The following STPG2 variants were observed in gnomAD, a reference collection of about 807,000 sequenced individuals.
The protein encoded by STPG2 is sperm-tail PG-rich repeat-containing protein 2.
Under a neutral mutation model 54.2 loss-of-function variants are expected in STPG2, and 56 were observed. That is an observed-to-expected ratio of 1.03 (90% CI 0.83 to 1.29). The LOEUF is 1.29. Among genes scored for constraint, STPG2 ranks in the 50% most tolerant of loss-of-function variants. The pLI is 0.00. For synonymous variants in STPG2, 200 were observed against 181.8 expected (o/e 1.10, Z -0.81); for missense variants, 596 against 544.9 (o/e 1.09, Z -0.93).
At chr4:97,737,930 T>A (rs1046284877) in intron 9 of STPG2, among the ~76,000 whole-genome samples, 3 of 151,888 alleles carry the variant, frequency 2.0e-5, no homozygotes, top group African/African-American at 7.3e-5. Flanking sequence ...AAAGTTGAAA[T>A]GAAGGAAAAA....
At chr4:97,475,515 TAATA>T (rs1730049084) in intron 4 of STPG2, among the ~76,000 whole-genome samples, 3 of 150,468 alleles carry the variant, frequency 2.0e-5, no homozygotes, top group African/African-American at 7.3e-5. Flanking sequence ...AATATGTATA[TAATA>T]TATATGTACC....
intron 4 of STPG2, among the ~76,000 whole-genome samples, chr4:97,539,489 C>T (rs887123988): frequency 6.6e-6 from 1 of 152,192 alleles, no homozygotes; most frequent in African/African-American, 2.4e-5. Context: ...ACAAGAAGAT[C>T]TAACTATCGT....
intron 5 of STPG2, among the ~76,000 whole-genome samples, chr4:98,063,441 C>T (rs1239290879): frequency 2.6e-5 from 4 of 151,318 alleles, no homozygotes; most frequent in African/African-American, 9.7e-5. Context: ...GAGCAAGACA[C>T]CATCCCAAAA....
chr4:97,663,403 CTTCAA>C, intron 10 of STPG2, among the ~76,000 whole-genome samples: 1 of 152,218 alleles, frequency 6.6e-6, no homozygotes, highest in East Asian at 1.9e-4. Context: ...GCAATCATTA[CTTCAA>C]TTCAGCAAAT....
chr4:98,107,119 G>A (rs985083032), intron 4 of STPG2, among the ~76,000 whole-genome samples: 3 of 152,066 alleles, frequency 2.0e-5, no homozygotes, highest in African/African-American at 7.2e-5. Context: ...ACCTCAGAAA[G>A]GTTTATGGAT....
At chr4:97,778,363 G>C (rs942832590) in intron 9 of STPG2, among the ~76,000 whole-genome samples, 4 of 152,196 alleles carry the variant, frequency 2.6e-5, no homozygotes, top group African/African-American at 9.6e-5. Flanking sequence ...AGATCGAATG[G>C]CAAGGTGGCA....
chr4:97,448,841 T>TA (rs1182044806), intron 4 of STPG2, among the ~76,000 whole-genome samples: 1 of 152,178 alleles, frequency 6.6e-6, no homozygotes, highest in Non-Finnish European at 1.5e-5. Flanking sequence ...TTGGCAGAGT[T>TA]ACATTAAATG....
chr4:97,842,107 T>C (rs894110661), intron 8 of STPG2, among the ~76,000 whole-genome samples: 5 of 151,834 alleles, frequency 3.3e-5, no homozygotes, highest in African/African-American at 4.8e-5. Flanking sequence ...CTTACATCCA[T>C]ATTATCACCC....
rs189924289 is a variant in STPG2 at position 97,940,610 on chromosome 4, C to G, written c.1044+3287G>C. Among the ~76,000 whole-genome samples the G allele has an allele frequency of 9.9e-4, 151 of 152,240 alleles. 1 individual carries two copies. The highest frequency in any genetic ancestry group is 1.8e-3 in the Non-Finnish European group (123 of 67,990). On this transcript the variant is annotated intron_variant, in intron 8 of 10. Coordinates refer to ENST00000295268, the MANE Select transcript of STPG2 (RefSeq NM_174952.3). ...TCTTCTGCTATTAATACTTGCAATT[C>G]CATTGTGAAATTCTTGTATTGTGTT...
Position 97,542,636 on chromosome 4 carries a change from A to T in STPG2, c.462+170063T>A, listed in dbSNP as rs1287870793. Among the ~76,000 whole-genome samples the T allele has an allele frequency of 2.0e-4, 31 of 152,224 alleles. 1 individual carries two copies. The highest frequency in any genetic ancestry group is 7.2e-4 in the African/African-American group (30 of 41,544). ...CATTACTGGGTATATATCCAAAGCA[A>T]TATAAATCATGTTGCTATAAAGACA... On this transcript the variant is annotated intron_variant, in intron 4 of 4. Coordinates refer to the STPG2 transcript ENST00000522676.
chr4:97,447,752 G>A (rs534112854), intron 4 of STPG2, among the ~76,000 whole-genome samples: 28 of 152,322 alleles, frequency 1.8e-4, no homozygotes, highest in Non-Finnish European at 3.4e-4. Context: ...GAAGTCTTTC[G>A]CAGGGTCAGA....
At chr4:97,703,915 T>C (rs1167733985) in intron 10 of STPG2, among the ~76,000 whole-genome samples, 2 of 151,564 alleles carry the variant, frequency 1.3e-5, no homozygotes, top group African/African-American at 2.4e-5. Flanking sequence ...GGAGAGCCAG[T>C]CTGAGTCCCA....
chr4:97,933,613 A>T (rs1237359817), intron 8 of STPG2, among the ~76,000 whole-genome samples: 1 of 152,186 alleles, frequency 6.6e-6, no homozygotes, highest in African/African-American at 2.4e-5. Context: ...CCATTTATTA[A>T]ATAGGGAATT....
At chr4:97,630,236 T>C (rs1721229531) in intron 10 of STPG2, among the ~76,000 whole-genome samples, 1 of 151,936 alleles carries the variant, frequency 6.6e-6, no homozygotes, top group Non-Finnish European at 1.5e-5. Flanking sequence ...CCAAGGGCTC[T>C]ATTTGCTTTG....
intron 8 of STPG2, among the ~76,000 whole-genome samples, chr4:97,923,811 G>T (rs1435276368): frequency 3.9e-5 from 6 of 152,138 alleles, no homozygotes; most frequent in Non-Finnish European, 8.8e-5. Flanking sequence ...CTAATCTAGT[G>T]GAGAACTTTT....
At chr4:98,129,620 T>TG (rs1486704311) in intron 2 of STPG2, among the ~76,000 whole-genome samples, 7 of 152,074 alleles carry the variant, frequency 4.6e-5, no homozygotes, top group Non-Finnish European at 4.4e-5. Context: ...TTTGGATTAA[T>TG]GGAAAATATT....
intron 7 of STPG2, 70 bp from the exon 8 acceptor site, chr4:97,944,077 A>G: frequency 2.0e-6 from 2 of 995,062 alleles, no homozygotes; most frequent in Non-Finnish European, 3.1e-6. Flanking sequence ...TATAAATAAT[A>G]AGTTTGCAAT....
chr4:97,532,733 T>C (rs1227408711), intron 4 of STPG2, among the ~76,000 whole-genome samples: 2 of 152,164 alleles, frequency 1.3e-5, no homozygotes, highest in Non-Finnish European at 2.9e-5. Context: ...TAGATAGGCA[T>C]AGATGTGCTT....
intron 5 of STPG2, among the ~76,000 whole-genome samples, chr4:98,008,518 GTTTTATAAATAGTTTTATAAAAA>G (rs1735642913): frequency 1.4e-4 from 1 of 7,184 alleles, no homozygotes; most frequent in African/African-American, 3.4e-4. Context: ...AAACTCACAG[GTTTTATAAATAGTTTTATAAAAA>G]CTCACAGGTT....
Sources: allele counts gnomAD v4.1 joint callset (sites outside exome capture counted in the v4.1 genomes callset), GRCh38; gene constraint gnomAD v4.1.1; transcripts MANE v1.5; gene names NCBI Gene and HGNC (gene_info 2026-07-23, HGNC 2026-07-21).